MTHFD1: variants seen among roughly 807,000 people sequenced by gnomAD.
MTHFD1 encodes methylenetetrahydrofolate dehydrogenase, cyclohydrolase and formyltetrahydrofolate synthetase 1.
MTHFD1 carries 44 observed loss-of-function variants against 110.3 expected under a neutral mutation model. The observed-to-expected ratio is 0.40, with a 90% CI of 0.31 to 0.51. The LOEUF (loss-of-function observed/expected upper bound fraction) is 0.51, where lower values mean the gene tolerates loss of function less well. Among genes scored for constraint, MTHFD1 ranks in the 20% least tolerant of loss-of-function variants. MTHFD1 has a pLI of 0.60. For synonymous variants in MTHFD1, 402 were observed against 428.8 expected (o/e 0.94, Z 0.77); for missense variants, 909 against 1,173.1 (o/e 0.77, Z 3.29).
chr14:64,404,520 A>G (rs1479902662), intron 2 of MTHFD1, among the ~76,000 whole-genome samples: 1 of 152,202 alleles, frequency 6.6e-6, no homozygotes, highest in Non-Finnish European at 1.5e-5. Flanking sequence ...AATGTTTGCA[A>G]TCTTGATTTG....
intron 15 of MTHFD1, among the ~76,000 whole-genome samples, chr14:64,432,423 T>C (rs1180981145): frequency 3.3e-5 from 5 of 152,198 alleles, no homozygotes; most frequent in Non-Finnish European, 7.3e-5. Flanking sequence ...AATCTGTACA[T>C]TAATGTTTTT....
At chr14:64,411,939 A>G (rs2140953579) in intron 3 of MTHFD1, among the ~76,000 whole-genome samples, 1 of 152,192 alleles carries the variant, frequency 6.6e-6, no homozygotes, top group Non-Finnish European at 1.5e-5. Context: ...GGGGCAGAGG[A>G]AAAATGCAGG....
At chr14:64,408,177 A>C (rs942358937) in intron 2 of MTHFD1, among the ~76,000 whole-genome samples, 3 of 152,100 alleles carry the variant, frequency 2.0e-5, no homozygotes, top group African/African-American at 7.2e-5. Context: ...CCTCTACAGA[A>C]AGTTTGCAGA....
intron 2 of MTHFD1, among the ~76,000 whole-genome samples, chr14:64,404,048 A>G (rs117044714): frequency 2.0e-5 from 3 of 152,320 alleles, no homozygotes; most frequent in Non-Finnish European, 2.9e-5. Context: ...ACGTTAACAC[A>G]ATGAAAAAGG....
chr14:64,403,157 C>G (rs979289966), intron 2 of MTHFD1, among the ~76,000 whole-genome samples: 3 of 151,840 alleles, frequency 2.0e-5, no homozygotes, highest in African/African-American at 7.3e-5. Flanking sequence ...CTCTGTCGCC[C>G]AGGCTGGAGT....
At position 64,448,229 on chromosome 14, in the gene MTHFD1, G is replaced by T. The variant is rs2078311028; in HGVS notation, c.2191G>T (p.Val731Phe). ...GTTGTTTTTACAGAACCTGGAGCTG[G>T]TTGAAAAAGGCTTCAGTAACTTGAA... is the stretch of plus-strand genomic sequence containing the variant. ...KAYIQENLEL[V>F]EKGFSNLKKQ... The change falls in exon 23 of 28, where the codon GTT (valine) becomes TTT (phenylalanine). Residue 731 changes from valine (V) to phenylalanine (F), a missense_variant. Val to Phe is a conservative substitution (Grantham distance 50). Transcript: ENST00000652337. 1.2e-6 allele frequency: 2 copies of T among 1,613,772 alleles called. No homozygotes were observed. Among genetic ancestry groups the T allele is most frequent in the Non-Finnish European group, 1.7e-6 (2 of 1,179,786 alleles).
intron 2 of MTHFD1, among the ~76,000 whole-genome samples, chr14:64,403,896 G>A (rs1161061406): frequency 6.6e-6 from 1 of 152,172 alleles, no homozygotes; most frequent in African/African-American, 2.4e-5. Context: ...ATCAAGGGTG[G>A]TCCTAGTGAA....
chr14:64,396,454 C>T (rs1344455407), intron 1 of MTHFD1, among the ~76,000 whole-genome samples: 12 of 145,060 alleles, frequency 8.3e-5, no homozygotes, highest in South Asian at 2.2e-4. Context: ...TGCAATGGCG[C>T]GATCTCGGCT....
intron 24 of MTHFD1, 135 bp downstream of exon 24, chr14:64,449,757 C>T (rs2078340497): frequency 8.0e-6 from 8 of 1,002,140 alleles, no homozygotes; most frequent in African/African-American, 1.6e-5. Context: ...AGGTGACTTA[C>T]ACAACCACAG....
intron 22 of MTHFD1, chr14:64,447,941 T>C (rs868683516): frequency 2.1e-6 from 1 of 480,190 alleles, no homozygotes; most frequent in South Asian, 2.1e-5. Context: ...TGTGGCATAA[T>C]GACAGGAAAC....
intron 15 of MTHFD1, 102 bp downstream of exon 15, chr14:64,431,963 A>G: frequency 1.1e-6 from 1 of 947,460 alleles, no homozygotes; most frequent in Non-Finnish European, 1.7e-6. Context: ...TTTTAGATGA[A>G]GTTACATCAG....
chr14:64,408,156 C>T (rs911989055), intron 2 of MTHFD1, among the ~76,000 whole-genome samples: 1 of 152,092 alleles, frequency 6.6e-6, no homozygotes, highest in Non-Finnish European at 1.5e-5. Context: ...CTAAAATATA[C>T]ACCGTCTGCC....
Position 64,400,773 on chromosome 14 carries a change from A to C in MTHFD1, c.42-20A>C, listed in dbSNP as rs746901070. The C allele has an allele frequency of 6.5e-7, 1 of 1,542,170 alleles. No individual in the cohort carries two copies. Among genetic ancestry groups the C allele is most frequent in the South Asian group, 1.1e-5 (1 of 89,174 alleles). On this transcript the variant is annotated intron_variant, in intron 1 of 27. Coordinates refer to ENST00000652337, the MANE Select transcript of MTHFD1 (RefSeq NM_005956.4). ...GCTTGAAACATTCAGTGTTAACCCC[A>C]CCCTTTCCTTTTTCTCTAGGCAAAT...
Position 64,431,608 on chromosome 14 carries a change from G to C in MTHFD1, c.1388G>C (p.Arg463Pro), listed in dbSNP as rs775703491. Residue 463 changes from arginine (R) to proline (P), a missense_variant, in exon 14 of 28, where the codon CGG becomes CCG. Around this residue, in one of 3 missense-constraint regions of MTHFD1, gnomAD observed 482 missense variants for 646.0 expected, o/e 0.75. Transcript: ENST00000652337. The stretch of plus-strand genomic sequence containing the variant: ...CTCGTTGCTGCGGCCATTGATGCTC[G>C]GATATTTCATGAACTGACCCAGACA... The part of the protein sequence containing the change: ...NNLVAAAIDA[R>P]IFHELTQTDK... The C allele has an allele frequency of 6.2e-7, 1 of 1,613,988 alleles. No individual in the cohort carries two copies. Among genetic ancestry groups the C allele is most frequent in the Non-Finnish European group, 8.5e-7 (1 of 1,180,018 alleles).
chr14:64,389,673 A>T (rs973075254), intron 1 of MTHFD1, among the ~76,000 whole-genome samples: 1 of 151,442 alleles, frequency 6.6e-6, no homozygotes, highest in Non-Finnish European at 1.5e-5. Context: ...GCGCCATTGC[A>T]CTCCAGCCTG....
intron 16 of MTHFD1, among the ~76,000 whole-genome samples, chr14:64,438,712 C>A (rs758438427): frequency 6.6e-6 from 1 of 152,138 alleles, no homozygotes; most frequent in Non-Finnish European, 1.5e-5. Context: ...GCATTTCTTA[C>A]GGTGGTGGAA....
rs565289347 is a variant in MTHFD1 at position 64,450,621 on chromosome 14, A to C, written c.2457+999A>C. 2.5e-3 allele frequency among the ~76,000 whole-genome samples: 375 copies of C among 152,336 alleles called. 1 individual carries two copies. Among genetic ancestry groups the C allele is most frequent in the Non-Finnish European group, 3.4e-3 (234 of 68,030 alleles). ...ATTTGACATTAAGTAGTATGGAAAC[A>C]ACAACTGGAAACTTTGTTAGGAATA... On this transcript the variant is annotated intron_variant, in intron 24 of 27. Coordinates refer to ENST00000652337, the MANE Select transcript of MTHFD1 (RefSeq NM_005956.4).
Position 64,442,036 on chromosome 14 carries a change from G to A in MTHFD1, c.1885-18G>A, listed in dbSNP as rs1202170757. ...AGCAGGATTGGCAGCTCAGCTCACG[G>A]TGTCCTGGTTTCCACAGGGCACTCC... On this transcript the variant is annotated intron_variant, in intron 19 of 27. Coordinates refer to ENST00000652337, the MANE Select transcript of MTHFD1 (RefSeq NM_005956.4). 6.4e-7 allele frequency: 1 copy of A among 1,568,984 alleles called. No homozygotes were observed. The highest frequency in any genetic ancestry group is 8.8e-7 in the Non-Finnish European group (1 of 1,138,940).
rs768297908 is a variant in MTHFD1, at chr14:64,419,918, T to C, written c.720T>C (p.Tyr240=). 4 of 1,610,948 alleles carry C rather than the reference T, an allele frequency of 2.5e-6. No homozygotes were observed. The African/African-American group carries it at 4.0e-5, about 16-fold the overall frequency. The part of the protein sequence containing the change: ...GAIVIDCGIN[Y]VPDDKKPNGR... ...TAGTCATCGACTGTGGAATCAATTA[T>C]GTCCCAGGTGAGTGTTGTTGGAGGA... is the stretch of plus-strand genomic sequence containing the variant. Residue 240 remains tyrosine (Y), a synonymous_variant, in exon 8 of 28, where the codon TAT becomes TAC. Coordinates refer to ENST00000652337, the MANE Select transcript of MTHFD1 (RefSeq NM_005956.4).
Sources: allele counts gnomAD v4.1 joint callset (sites outside exome capture counted in the v4.1 genomes callset), GRCh38; gene constraint gnomAD v4.1.1; regional missense constraint gnomAD v4.1.1; transcripts MANE v1.5; gene names NCBI Gene and HGNC (gene_info 2026-07-23, HGNC 2026-07-21).